The following EXOC4 variants were observed in gnomAD, a reference collection of about 807,000 sequenced individuals.
EXOC4 encodes the protein SEC8-like 1.
EXOC4 carries 71 observed loss-of-function variants against 107.2 expected under a neutral mutation model. The observed-to-expected ratio is 0.66, with a 90% CI of 0.55 to 0.81. The LOEUF is 0.81. Ranked by LOEUF, EXOC4 falls within the 30% of genes least tolerant of loss-of-function variation. The pLI is 0.00. For synonymous variants in EXOC4, 456 were observed against 441.2 expected (o/e 1.03, Z -0.42); for missense variants, 1,108 against 1,189.6 (o/e 0.93, Z 1.01).
intron 10 of EXOC4, among the ~76,000 whole-genome samples, chr7:133,781,622 C>T (rs529559420): frequency 4.6e-5 from 7 of 152,290 alleles, no homozygotes; most frequent in African/African-American, 1.7e-4. Flanking sequence ...TTGCAGTCCT[C>T]GAAGCCCAGC....
intron 14 of EXOC4, among the ~76,000 whole-genome samples, chr7:133,951,982 C>T (rs930462004): frequency 6.6e-6 from 1 of 152,038 alleles, no homozygotes; most frequent in Non-Finnish European, 1.5e-5. Context: ...ATGGTGAAAC[C>T]CCATCTCTAC....
chr7:133,357,474 A>G (rs1330209485), intron 6 of EXOC4, among the ~76,000 whole-genome samples: 1 of 152,220 alleles, frequency 6.6e-6, no homozygotes, highest in Non-Finnish European at 1.5e-5. Context: ...TAAAACAATA[A>G]GATTTGAATT....
At chr7:133,864,281 G>T (rs1273887921) in intron 11 of EXOC4, among the ~76,000 whole-genome samples, 1 of 152,110 alleles carries the variant, frequency 6.6e-6, no homozygotes, top group African/African-American at 2.4e-5. Context: ...TGTGAGATAG[G>T]TTATTTCTTC....
intron 9 of EXOC4, among the ~76,000 whole-genome samples, chr7:133,542,011 T>C (rs1563102170): frequency 6.6e-6 from 1 of 152,120 alleles, no homozygotes; most frequent in Non-Finnish European, 1.5e-5. Context: ...TAGGAATCTT[T>C]TTTTAGGACA....
Position 133,335,733 on chromosome 7 carries a change from T to C in EXOC4, c.763+18343T>C, listed in dbSNP as rs142383590. Among the ~76,000 whole-genome samples, 1,346 of 152,326 alleles carry C rather than the reference T, an allele frequency of 8.8e-3. 7 individuals carry two copies. The highest frequency in any genetic ancestry group is 0.014 in the Non-Finnish European group (954 of 68,026). ...ATTGCCAGATCATATGGTAATTCTA[T>C]ATTTAATTTTCTGGGGATCTGCCAT... On this transcript the variant is annotated intron_variant, in intron 5 of 17. Coordinates refer to ENST00000253861, the MANE Select transcript of EXOC4 (RefSeq NM_021807.4).
intron 9 of EXOC4, among the ~76,000 whole-genome samples, chr7:133,612,987 A>T (rs1170577184): frequency 6.6e-6 from 1 of 151,908 alleles, no homozygotes; most frequent in African/African-American, 2.4e-5. Context: ...AGGTCCATTT[A>T]TGTGTGGATT....
chr7:133,852,273 A>G (rs1798253586), intron 11 of EXOC4, among the ~76,000 whole-genome samples: 1 of 149,842 alleles, frequency 6.7e-6, no homozygotes, highest in Non-Finnish European at 1.5e-5. Flanking sequence ...CCCAGGCTGG[A>G]ATGCAGTGGT....
At chr7:133,466,852 C>T (rs1798741490) in intron 7 of EXOC4, among the ~76,000 whole-genome samples, 1 of 151,908 alleles carries the variant, frequency 6.6e-6, no homozygotes, top group Non-Finnish European at 1.5e-5. Context: ...AATGTATTAC[C>T]ATAAAATAAA....
chr7:133,915,542 G>T (rs1326559470), intron 12 of EXOC4, among the ~76,000 whole-genome samples: 1 of 152,130 alleles, frequency 6.6e-6, no homozygotes, highest in African/African-American at 2.4e-5. Flanking sequence ...TTTTTTTAAA[G>T]AAATAGCTAC....
intron 10 of EXOC4, among the ~76,000 whole-genome samples, chr7:133,787,892 G>T (rs1796608386): frequency 1.4e-5 from 2 of 141,964 alleles, no homozygotes; most frequent in South Asian, 4.5e-4. Context: ...ACTTGTAAAG[G>T]TTAAATAACT....
chr7:134,064,522 C>A lies in EXOC4; in HGVS notation c.2919C>A (p.Thr973=). 6.3e-7 allele frequency: 1 copy of A among 1,590,618 alleles called. No individual in the cohort carries two copies. Among genetic ancestry groups the A allele is most frequent in the Non-Finnish European group, 8.6e-7 (1 of 1,167,410 alleles). ...KQATKDKKIT[T]V ...CCACCAAGGACAAGAAGATAACTAC[C>A]GTTTAGCAGGGCGTACTGCGGTTGG... The change falls in exon 18 of 18, where the codon ACC becomes ACA. Residue 973 remains threonine, a synonymous_variant. Transcript: ENST00000253861.
intron 10 of EXOC4, among the ~76,000 whole-genome samples, chr7:133,682,966 A>G (rs1176647370): frequency 6.6e-6 from 1 of 152,182 alleles, no homozygotes; most frequent in Non-Finnish European, 1.5e-5. Context: ...GCTTTTCTTT[A>G]AACAAGTTGG....
At chr7:133,325,278 G>A (rs1485684980) in intron 5 of EXOC4, among the ~76,000 whole-genome samples, 1 of 152,156 alleles carries the variant, frequency 6.6e-6, no homozygotes. Flanking sequence ...TATTTTGCTT[G>A]TTAGTTGATG....
chr7:134,005,209 T>C lies in EXOC4; in HGVS notation c.2527+119T>C, dbSNP rs1342091825. The C allele has an allele frequency of 3.8e-6, 4 of 1,066,454 alleles. No homozygotes were observed. The East Asian group carries it at 9.6e-5, about 26-fold the overall frequency. The allele number at this position is 1,066,454 out of a possible 1,614,324, so 66.1% of individuals were successfully genotyped here. On this transcript the variant is annotated intron_variant, in intron 16 of 17. Transcript: ENST00000253861. ...AAAGAGTTGTTTGCTTGCTTGCTTG[T>C]TTGAACTAAATCTGCAATACCTAGC... is the stretch of plus-strand genomic sequence containing the variant.
intron 14 of EXOC4, among the ~76,000 whole-genome samples, chr7:133,962,702 T>C (rs1800975345): frequency 6.6e-6 from 1 of 152,234 alleles, no homozygotes; most frequent in Admixed American, 6.5e-5. Flanking sequence ...CCACATGTGC[T>C]TATGCCAGAT....
At chr7:133,643,975 A>G (rs2151027548) in intron 10 of EXOC4, among the ~76,000 whole-genome samples, 1 of 152,274 alleles carries the variant, frequency 6.6e-6, no homozygotes, top group East Asian at 1.9e-4. Context: ...GATGGGAGAA[A>G]GATTCACTGC....
chr7:133,317,478 T>C (rs540145467), intron 5 of EXOC4, 88 bp downstream of exon 5: 3 of 920,034 alleles, frequency 3.3e-6, no homozygotes, highest in East Asian at 4.9e-5. Flanking sequence ...GGGGCTGAGC[T>C]AGGTTGGGCT....
intron 3 of EXOC4, among the ~76,000 whole-genome samples, chr7:133,301,528 G>C (rs1301502124): frequency 6.6e-6 from 1 of 152,150 alleles, no homozygotes; most frequent in Non-Finnish European, 1.5e-5. Context: ...AAACATTTTA[G>C]AACCATATAA....
chr7:133,537,296 A>ACCCC (rs373040586), intron 9 of EXOC4, among the ~76,000 whole-genome samples: 61 of 128,086 alleles, frequency 4.8e-4, no homozygotes, highest in Middle Eastern at 4.1e-3. Context: ...GATTACAGGC[A>ACCCC]CCCCCCCCCC....
Sources: allele counts gnomAD v4.1 joint callset (sites outside exome capture counted in the v4.1 genomes callset), GRCh38; gene constraint gnomAD v4.1.1; transcripts MANE v1.5; gene names NCBI Gene and HGNC (gene_info 2026-07-23, HGNC 2026-07-21).